The following SHPRH variants were observed in gnomAD, a reference collection of about 807,000 sequenced individuals.
The protein encoded by SHPRH is SNF2 histone linker PHD RING helicase.
Under a neutral mutation model 202.5 loss-of-function variants are expected in SHPRH, and 106 were observed. The observed-to-expected ratio is 0.52, with a 90% CI of 0.45 to 0.62. The LOEUF (loss-of-function observed/expected upper bound fraction) is 0.62. Among genes scored for constraint, SHPRH ranks in the 20% least tolerant of loss-of-function variants. SHPRH has a pLI of 0.00. For missense variants in SHPRH, 1,710 were observed against 2,020.0 expected, an observed-to-expected ratio of 0.85 and a Z score of 2.94; for synonymous variants, 729 against 686.0, an observed-to-expected ratio of 1.06 and a Z score of -0.98.
chr6:145,941,688 C>T lies in SHPRH; in HGVS notation c.2425G>A (p.Val809Ile), dbSNP rs555121048. 42 of 1,614,048 alleles carry T rather than the reference C, an allele frequency of 2.6e-5. No individual in the cohort carries two copies. The South Asian group carries it at 4.5e-4, about 17-fold the overall frequency. The change falls in exon 10 of 30, where the codon GTA becomes ATA. Residue 809 changes from valine (V) to isoleucine (I), a missense_variant. By Grantham distance (29) the Val-to-Ile change is conservative. Coordinates refer to ENST00000275233, the MANE Select transcript of SHPRH (RefSeq NM_001042683.3). The part of the protein sequence containing the change: ...KRYMAIPSPL[V>I]AVEWWRICLD... ...CAGATCCTCCACCACTCCACAGCTA[C>T]CAGGGGGCTCGGGATAGCCATATAG...
Position 145,922,370 on chromosome 6 carries a change from G to A in SHPRH, c.3720-22C>T, listed in dbSNP as rs763166089. ...ACAGCTGAAAAAAAAGAGATTAACA[G>A]AAATATTCACAAACATAACCAGCAA... is the stretch of plus-strand genomic sequence containing the variant. On this transcript the variant is annotated intron_variant, in intron 19 of 29. Coordinates refer to ENST00000275233, the MANE Select transcript of SHPRH (RefSeq NM_001042683.3). 30 of 1,548,374 alleles carry A rather than the reference G, an allele frequency of 1.9e-5. No homozygotes were observed. In the South Asian group the frequency reaches 2.2e-4, roughly 11 times the overall value.
intron 1 of SHPRH, among the ~76,000 whole-genome samples, chr6:145,959,287 T>C (rs1370516870): frequency 1.3e-5 from 2 of 152,224 alleles, no homozygotes; most frequent in South Asian, 2.1e-4. Flanking sequence ...TCATGCTAAG[T>C]ACCCCACAAA....
In SHPRH at chr6:145,886,423, C is replaced by G. The variant is rs1002353500; in HGVS notation, c.*268G>C. On this transcript the variant is annotated 3_prime_UTR_variant, in exon 30 of 30. Coordinates refer to ENST00000275233, the MANE Select transcript of SHPRH (RefSeq NM_001042683.3). ...CACATTACCTCTCTTAATTCCCTTG[C>G]ATCATCAGATATAGATACTATTTGG... is the stretch of plus-strand genomic sequence containing the variant. 1.0e-5 allele frequency: 8 copies of G among 769,924 alleles called. No homozygotes were observed. The highest frequency in any genetic ancestry group is 2.3e-4 in the Middle Eastern group (1 of 4,350). 47.7% of individuals were successfully genotyped at this position (769,924 alleles called of 1,614,324 possible).
At chr6:145,878,092 C>T (rs766274738) in intron 2 of SHPRH, 3 of 152,180 alleles carry the variant, frequency 2.0e-5, no homozygotes, top group East Asian at 3.9e-4. Context: ...CAGAGTTTGA[C>T]TCTTTTCATC....
chr6:145,915,711 T>C (rs1329917045), intron 23 of SHPRH, among the ~76,000 whole-genome samples: 1 of 152,080 alleles, frequency 6.6e-6, no homozygotes, highest in East Asian at 1.9e-4. Context: ...AGTGTTCCTT[T>C]GTAAGTATTA....
chr6:145,939,280 C>T (rs1368846407), intron 11 of SHPRH, among the ~76,000 whole-genome samples: 1 of 152,164 alleles, frequency 6.6e-6, no homozygotes, highest in African/African-American at 2.4e-5. Flanking sequence ...ACTTGGAACA[C>T]GACGAAACTT....
chr6:145,885,427 C>T lies in SHPRH; in HGVS notation c.*1264G>A, dbSNP rs1269159686. The T allele has an allele frequency of 6.6e-6, 1 of 152,380 alleles. No individual in the cohort carries two copies. Among genetic ancestry groups the T allele is most frequent in the Non-Finnish European group, 1.5e-5 (1 of 68,010 alleles). 9.4% of individuals were successfully genotyped at this position (152,380 alleles called of 1,614,324 possible). ...ACCTTAACTAAGCACCAAAGCCTCT[C>T]GGACAAATGGGATCTAGGGAATGGT... is the stretch of plus-strand genomic sequence containing the variant. On this transcript the variant is annotated 3_prime_UTR_variant, in exon 30 of 30. Transcript: ENST00000275233.
intron 25 of SHPRH, among the ~76,000 whole-genome samples, chr6:145,900,826 T>C (rs1485170086): frequency 6.6e-6 from 1 of 152,166 alleles, no homozygotes; most frequent in Non-Finnish European, 1.5e-5. Flanking sequence ...AAATTTGTGT[T>C]TTTTAAATAT....
intron 28 of SHPRH, among the ~76,000 whole-genome samples, chr6:145,889,652 G>A (rs1404638131): frequency 6.6e-6 from 1 of 152,074 alleles, no homozygotes; most frequent in Non-Finnish European, 1.5e-5. Flanking sequence ...TAAATTTCAT[G>A]TTTAGACTGG....
intron 20 of SHPRH, 76 bp from the exon 21 acceptor site, chr6:145,921,468 A>C: frequency 7.2e-7 from 1 of 1,390,058 alleles, no homozygotes; most frequent in East Asian, 2.3e-5. Context: ...GAGTTCTAAA[A>C]GAACATGTTT....
chr6:145,872,068 T>A (rs1204047878), intron 2 of SHPRH, among the ~76,000 whole-genome samples: 1 of 152,160 alleles, frequency 6.6e-6, no homozygotes, highest in Non-Finnish European at 1.5e-5. Flanking sequence ...AAGACTTACA[T>A]GTAAAACCCC....
At chr6:145,901,694 T>G (rs1456546534) in intron 25 of SHPRH, among the ~76,000 whole-genome samples, 1 of 152,118 alleles carries the variant, frequency 6.6e-6, no homozygotes, top group African/African-American at 2.4e-5. Context: ...CCCATACAAC[T>G]GCTAGATAAT....
rs759970738 is a variant in SHPRH at position 145,952,509 on chromosome 6, T to C, written c.634-31A>G. On this transcript the variant is annotated intron_variant, in intron 2 of 29. Transcript: ENST00000275233. ...AACAATTAATCAAAATAAAAGTAGT[T>C]TCATTTGAAATATACCATTCTTTAT... 10 of 1,584,134 alleles carry C rather than the reference T, an allele frequency of 6.3e-6. No individual in the cohort carries two copies. In the South Asian group the frequency reaches 1.1e-4, roughly 17 times the overall value.
rs1487265783 is a variant in SHPRH, at chr6:145,933,219, C to T, written c.2991-41G>A. The T allele has an allele frequency of 2.5e-6, 4 of 1,612,766 alleles. No individual in the cohort carries two copies. The Admixed American group carries it at 5.0e-5, about 20-fold the overall frequency. On this transcript the variant is annotated intron_variant, in intron 13 of 29. Coordinates refer to ENST00000275233, the MANE Select transcript of SHPRH (RefSeq NM_001042683.3). ...GACTGTTCAAAACTAGAAAGAAAAT[C>T]CCAAGTGTGACTTCAGTGGGAGTGT...
intron 23 of SHPRH, 86 bp from the exon 24 acceptor site, chr6:145,913,635 G>A (rs2128740804): frequency 9.8e-7 from 1 of 1,018,846 alleles, no homozygotes. Context: ...TTATGGAAGT[G>A]AATACTGGCA....
At chr6:145,929,876 C>G (rs1463962654) in intron 14 of SHPRH, among the ~76,000 whole-genome samples, 1 of 152,002 alleles carries the variant, frequency 6.6e-6, no homozygotes, top group Non-Finnish European at 1.5e-5. Flanking sequence ...CTGAGGTAAC[C>G]TTCATATTAC....
At chr6:145,887,992 C>T (rs755699919) in intron 29 of SHPRH, 28 bp downstream of exon 29, 9 of 1,544,892 alleles carry the variant, frequency 5.8e-6, no homozygotes, top group Non-Finnish European at 8.0e-6. Flanking sequence ...AACCTTCCCC[C>T]TTCTACTTGT....
In SHPRH at chr6:145,924,856, A is replaced by C; in HGVS notation, c.3295-10T>G. Reference sequence around the variant, plus strand: ...CTCGCAGCTGTTTGGCCTGTGTTGAAACAGAGAATATAAACTTTCACTCCC... The same window carrying C: ...CTCGCAGCTGTTTGGCCTGTGTTGACACAGAGAATATAAACTTTCACTCCC... On this transcript the variant is annotated splice_polypyrimidine_tract_variant and intron_variant, in intron 16 of 29. Transcript: ENST00000275233. 1.9e-6 allele frequency: 3 copies of C among 1,605,248 alleles called. No homozygotes were observed. The highest frequency in any genetic ancestry group is 3.3e-4 in the Middle Eastern group (2 of 6,032).
intron 19 of SHPRH, 116 bp from the exon 20 acceptor site, chr6:145,922,464 G>GA (rs1359969971): frequency 4.0e-5 from 52 of 1,298,988 alleles, no homozygotes; most frequent in Non-Finnish European, 5.4e-5. Flanking sequence ...TGCCATTTTA[G>GA]AAAAAACAAA....
Sources: gnomAD v4.1 joint callset for allele counts (sites outside exome capture counted in the v4.1 genomes callset) on GRCh38, gnomAD v4.1.1 for gene constraint, MANE v1.5 for transcripts, NCBI Gene and HGNC (gene_info 2026-07-23, HGNC 2026-07-21) for gene names.